The following CNBD1 variants were observed in gnomAD, a reference collection of about 807,000 sequenced individuals.
CNBD1 encodes the protein cyclic nucleotide-binding domain-containing protein 1.
In CNBD1, 71 loss-of-function variants were observed where a neutral mutation model predicts 54.4. The ratio of observed to expected loss-of-function variants is 1.30; its 90% CI spans 1.08 to 1.59. CNBD1 has a LOEUF of 1.59. Among genes scored for constraint, CNBD1 ranks in the 40% most tolerant of loss-of-function variants. The pLI, the probability that CNBD1 is intolerant of heterozygous loss-of-function variation, is 0.00. For synonymous variants in CNBD1, 182 were observed against 170.7 expected (o/e 1.07, Z -0.51); for missense variants, 659 against 518.0 (o/e 1.27, Z -2.64).
At chr8:87,395,793 A>G (rs1043112583) in intron 2 of CNBD1, among the ~76,000 whole-genome samples, 35 of 151,928 alleles carry the variant, frequency 2.3e-4, no homozygotes, top group African/African-American at 7.7e-4. Flanking sequence ...CATGGGAGGG[A>G]CCTGGTGAGA....
chr8:86,866,473 C>T lies in CNBD1; in HGVS notation c.-23C>T. On this transcript the variant is annotated 5_prime_UTR_variant, in exon 1 of 11. Coordinates refer to ENST00000518476, the MANE Select transcript of CNBD1 (RefSeq NM_173538.3). Reference sequence around the variant, plus strand: ...TGCCTCTCAAGCAGCCTCTGGTCATCTATCTGCCTTTGAGCCATCAAGATG... The same window carrying T: ...TGCCTCTCAAGCAGCCTCTGGTCATTTATCTGCCTTTGAGCCATCAAGATG... The T allele has an allele frequency of 1.3e-6, 2 of 1,586,704 alleles. No homozygotes were observed. The highest frequency in any genetic ancestry group is 1.7e-6 in the Non-Finnish European group (2 of 1,160,432).
At chr8:87,381,780 C>T (rs966204350) in intron 10 of CNBD1, among the ~76,000 whole-genome samples, 4 of 151,698 alleles carry the variant, frequency 2.6e-5, no homozygotes, top group Admixed American at 1.3e-4. Context: ...ACCACTCATA[C>T]GAGGTATCTA....
intron 4 of CNBD1, among the ~76,000 whole-genome samples, chr8:87,194,755 A>G (rs573620855): frequency 2.7e-3 from 416 of 152,070 alleles, no homozygotes; most frequent in South Asian, 5.8e-3. Flanking sequence ...ATTTATCCTG[A>G]GGGACTGGAG....
intron 1 of CNBD1, among the ~76,000 whole-genome samples, chr8:86,868,284 T>C (rs1232728782): frequency 6.6e-6 from 1 of 152,196 alleles, no homozygotes; most frequent in Non-Finnish European, 1.5e-5. Context: ...TTTGTTGAGT[T>C]AGGTTGGATT....
chr8:87,091,332 T>C (rs940395632), intron 4 of CNBD1, among the ~76,000 whole-genome samples: 1 of 152,146 alleles, frequency 6.6e-6, no homozygotes, highest in Non-Finnish European at 1.5e-5. Context: ...TATAAAGTCT[T>C]CTACCAGTTT....
chr8:87,017,190 T>C (rs76080378), intron 4 of CNBD1, among the ~76,000 whole-genome samples: 1,622 of 152,286 alleles, frequency 0.011, 29 homozygotes, highest in African/African-American at 0.036. Flanking sequence ...TACAGGTTAA[T>C]AGAATTATAA....
chr8:87,312,349 T>C (rs1424493952), intron 8 of CNBD1, among the ~76,000 whole-genome samples: 2 of 152,098 alleles, frequency 1.3e-5, no homozygotes, highest in African/African-American at 4.8e-5. Flanking sequence ...CTTGGGGCAA[T>C]TGCTGCATGA....
chr8:87,417,826 A>T (rs917715323), intron 2 of CNBD1, among the ~76,000 whole-genome samples: 4 of 151,960 alleles, frequency 2.6e-5, no homozygotes, highest in African/African-American at 9.7e-5. Context: ...TGATAGTAAC[A>T]ATATACTTAG....
rs1288078095 is a variant in CNBD1, at chr8:86,917,026, G to A, written c.272+11832G>A. ...GCTGGGACTACAGGCAAGCACCACC[G>A]TGCCCAGCTAATTTATGTATTTTTT... On this transcript the variant is annotated intron_variant, in intron 3 of 10. Coordinates refer to ENST00000518476, the MANE Select transcript of CNBD1 (RefSeq NM_173538.3). Among the ~76,000 whole-genome samples, 8 of 151,880 alleles carry A rather than the reference G, an allele frequency of 5.3e-5. No individual in the cohort carries two copies. In the East Asian group the frequency reaches 5.8e-4, roughly 11 times the overall value.
intron 4 of CNBD1, among the ~76,000 whole-genome samples, chr8:87,060,663 G>A (rs903949467): frequency 2.6e-5 from 4 of 152,070 alleles, no homozygotes; most frequent in Non-Finnish European, 5.9e-5. Context: ...AAGCTTGAGA[G>A]TGATAAAAAT....
At chr8:87,222,425 A>G (rs2130810084) in intron 5 of CNBD1, among the ~76,000 whole-genome samples, 1 of 152,256 alleles carries the variant, frequency 6.6e-6, no homozygotes, top group East Asian at 1.9e-4. Context: ...ACTGAAAACA[A>G]AGAGTGCCAT....
At chr8:87,043,040 TAGAG>T (rs1438047429) in intron 4 of CNBD1, among the ~76,000 whole-genome samples, 1 of 152,162 alleles carries the variant, frequency 6.6e-6, no homozygotes, top group East Asian at 1.9e-4. Flanking sequence ...GCAGATTTAT[TAGAG>T]AAAGTATGAA....
rs180760655 is a variant in CNBD1, at chr8:87,389,506, T to C, written c.213+35720T>C. 2.4e-4 allele frequency among the ~76,000 whole-genome samples: 37 copies of C among 152,230 alleles called. No individual in the cohort carries two copies. In the East Asian group the frequency reaches 6.9e-3, roughly 29 times the overall value. On this transcript the variant is annotated intron_variant, in intron 2 of 7. Transcript: ENST00000521593. The stretch of plus-strand genomic sequence containing the variant: ...TGAGTGAACTCCCATTCACAATTGC[T>C]TCAAAGAGAATAAAATATCCAGGAA...
intron 1 of CNBD1, among the ~76,000 whole-genome samples, chr8:86,883,644 T>C (rs112509163): frequency 0.017 from 2,557 of 152,120 alleles, 23 homozygotes; most frequent in South Asian, 0.033. Flanking sequence ...ACACAGGGCG[T>C]AGTAAGATGA....
chr8:87,228,824 G>A (rs956089818), intron 5 of CNBD1, among the ~76,000 whole-genome samples: 5 of 152,272 alleles, frequency 3.3e-5, no homozygotes, highest in East Asian at 3.9e-4. Context: ...GCAATGGCGG[G>A]CGCCCCTCCT....
At chr8:87,253,293 G>C (rs1227012513) in intron 6 of CNBD1, among the ~76,000 whole-genome samples, 1 of 152,096 alleles carries the variant, frequency 6.6e-6, no homozygotes, top group East Asian at 1.9e-4. Flanking sequence ...TCAGCCCGGG[G>C]AGAGAGGGAG....
intron 8 of CNBD1, among the ~76,000 whole-genome samples, chr8:87,335,433 G>T (rs1332727053): frequency 1.3e-5 from 2 of 152,064 alleles, no homozygotes; most frequent in Admixed American, 1.3e-4. Flanking sequence ...TCTTCTTGTT[G>T]AATTGATCCC....
At chr8:87,171,323 G>A (rs1286780474) in intron 4 of CNBD1, among the ~76,000 whole-genome samples, 1 of 151,982 alleles carries the variant, frequency 6.6e-6, no homozygotes, top group Non-Finnish European at 1.5e-5. Flanking sequence ...GTTCCTCAGA[G>A]TAGCCACTAC....
chr8:87,110,153 C>T (rs1043701324), intron 4 of CNBD1, among the ~76,000 whole-genome samples: 1 of 152,122 alleles, frequency 6.6e-6, no homozygotes. Flanking sequence ...CTCAGGGGCA[C>T]CCTGAGTGAG....
Sources: allele counts gnomAD v4.1 joint callset (sites outside exome capture counted in the v4.1 genomes callset), GRCh38; gene constraint gnomAD v4.1.1; transcripts MANE v1.5; gene names NCBI Gene and HGNC (gene_info 2026-07-23, HGNC 2026-07-21).